The following CAMK1D variants were observed in gnomAD, a reference collection of about 807,000 sequenced individuals.
The protein encoded by CAMK1D is calcium/calmodulin-dependent protein kinase type 1D.
CAMK1D carries 9 observed loss-of-function variants against 47.7 expected under a neutral mutation model. That is an observed-to-expected ratio of 0.19 (90% CI 0.11 to 0.33). CAMK1D has a LOEUF of 0.33. Among genes scored for constraint, CAMK1D ranks in the 10% least tolerant of loss-of-function variants. The pLI is 1.00. For missense variants in CAMK1D, 291 were observed against 488.7 expected, an observed-to-expected ratio of 0.60 and a Z score of 3.81; for synonymous variants, 184 against 184.9, an observed-to-expected ratio of 0.99 and a Z score of 0.04.
At chr10:12,605,982 C>T (rs1054950373) in intron 2 of CAMK1D, among the ~76,000 whole-genome samples, 19 of 152,196 alleles carry the variant, frequency 1.2e-4, no homozygotes, top group African/African-American at 3.9e-4. Flanking sequence ...AGAATTTGGC[C>T]GTGAGAGAAG....
At chr10:12,537,089 TGA>T (rs986066708) in intron 1 of CAMK1D, among the ~76,000 whole-genome samples, 6 of 152,120 alleles carry the variant, frequency 3.9e-5, no homozygotes, top group Admixed American at 1.3e-4. Context: ...TCTTTTTTTT[TGA>T]GATGGTGTCT....
chr10:12,691,787 C>T lies in CAMK1D; in HGVS notation c.299+24977C>T, dbSNP rs561948445. On this transcript the variant is annotated intron_variant, in intron 3 of 10. Transcript: ENST00000619168. ...AATATGCAGTATATGTGGTGCATCC[C>T]CTCTGTGAATAAAGTGAAGAGGAGG... Among the ~76,000 whole-genome samples the T allele has an allele frequency of 3.3e-5, 5 of 152,134 alleles. No homozygotes were observed. In the South Asian group the frequency reaches 1.0e-3, roughly 32 times the overall value.
intron 2 of CAMK1D, among the ~76,000 whole-genome samples, chr10:12,558,747 TG>T (rs1270808905): frequency 1.3e-5 from 2 of 152,102 alleles, no homozygotes; most frequent in African/African-American, 4.8e-5. Flanking sequence ...TTGGAAAAAC[TG>T]AGGCTCAGTT....
At chr10:12,770,670 G>T (rs1409056070) in intron 5 of CAMK1D, among the ~76,000 whole-genome samples, 1 of 152,026 alleles carries the variant, frequency 6.6e-6, no homozygotes, top group Non-Finnish European at 1.5e-5. Context: ...CTAAACCTGG[G>T]GGCCTGCCAT....
intron 1 of CAMK1D, among the ~76,000 whole-genome samples, chr10:12,509,614 G>A (rs1013378894): frequency 1.3e-5 from 2 of 152,172 alleles, no homozygotes; most frequent in African/African-American, 4.8e-5. Flanking sequence ...ATCCAGGTGT[G>A]GTGGTGCATG....
intron 1 of CAMK1D, among the ~76,000 whole-genome samples, chr10:12,522,730 G>T (rs1243062905): frequency 6.6e-6 from 1 of 151,808 alleles, no homozygotes; most frequent in Non-Finnish European, 1.5e-5. Flanking sequence ...CCCAGACGGG[G>T]TGGTGGCCGG....
intron 1 of CAMK1D, among the ~76,000 whole-genome samples, chr10:12,481,708 C>T (rs1834071002): frequency 1.3e-5 from 2 of 152,134 alleles, no homozygotes; most frequent in African/African-American, 4.8e-5. Flanking sequence ...CGGGGTTTCA[C>T]CATGTTGGTC....
chr10:12,738,773 A>C (rs1835292540), intron 3 of CAMK1D, among the ~76,000 whole-genome samples: 1 of 152,138 alleles, frequency 6.6e-6, no homozygotes, highest in Non-Finnish European at 1.5e-5. Flanking sequence ...CAGAGGCTGC[A>C]GTGAGCTAAG....
At chr10:12,713,698 G>T (rs1277907560) in intron 3 of CAMK1D, among the ~76,000 whole-genome samples, 1 of 152,170 alleles carries the variant, frequency 6.6e-6, no homozygotes, top group Non-Finnish European at 1.5e-5. Context: ...GGGAAGGGCA[G>T]GTGGCCATGG....
At chr10:12,433,758 T>A (rs1004775302) in intron 1 of CAMK1D, among the ~76,000 whole-genome samples, 1 of 152,244 alleles carries the variant, frequency 6.6e-6, no homozygotes, top group Non-Finnish European at 1.5e-5. Context: ...GCCACGTGCT[T>A]GGGCCCCTGC....
At chr10:12,527,086 C>G (rs1835648720) in intron 1 of CAMK1D, among the ~76,000 whole-genome samples, 1 of 152,044 alleles carries the variant, frequency 6.6e-6, no homozygotes, top group African/African-American at 2.4e-5. Flanking sequence ...TTTATTCCCA[C>G]TTTCTTTGGC....
chr10:12,443,467 C>A (rs1383767162), intron 1 of CAMK1D, among the ~76,000 whole-genome samples: 1 of 152,136 alleles, frequency 6.6e-6, no homozygotes, highest in African/African-American at 2.4e-5. Flanking sequence ...GAAAGGGGTC[C>A]TGATCCAGAC....
At chr10:12,497,826 A>G (rs1834587632) in intron 1 of CAMK1D, among the ~76,000 whole-genome samples, 1 of 152,304 alleles carries the variant, frequency 6.6e-6, no homozygotes, top group Non-Finnish European at 1.5e-5. Flanking sequence ...TGGGATAGAG[A>G]AATGTATTAG....
chr10:12,679,236 A>G (rs372786316), intron 3 of CAMK1D, among the ~76,000 whole-genome samples: 21 of 152,376 alleles, frequency 1.4e-4, no homozygotes, highest in Admixed American at 6.5e-4. Flanking sequence ...TTGAAAAGTT[A>G]GATCTGGTCG....
chr10:12,765,945 C>A (rs918202628), intron 4 of CAMK1D, among the ~76,000 whole-genome samples: 59 of 149,492 alleles, frequency 3.9e-4, no homozygotes, highest in Non-Finnish European at 7.4e-5. Flanking sequence ...AAGCTGGCTG[C>A]CCCCATCCTA....
At chr10:12,537,673 G>C (rs1180605793) in intron 1 of CAMK1D, among the ~76,000 whole-genome samples, 1 of 152,238 alleles carries the variant, frequency 6.6e-6, no homozygotes, top group East Asian at 1.9e-4. Flanking sequence ...TCTGTGCACA[G>C]TGAGTGCCCC....
chr10:12,537,225 C>T (rs2132234448), intron 1 of CAMK1D, among the ~76,000 whole-genome samples: 1 of 152,296 alleles, frequency 6.6e-6, no homozygotes. Context: ...ATGTGTACCA[C>T]TGTGCCCGGC....
At chr10:12,615,069 A>G (rs1404529390) in intron 2 of CAMK1D, among the ~76,000 whole-genome samples, 3 of 152,176 alleles carry the variant, frequency 2.0e-5, no homozygotes, top group African/African-American at 7.2e-5. Context: ...CTGATAATCC[A>G]TTCTGAGGAG....
At chr10:12,404,846 AC>A (rs1310408387) in intron 1 of CAMK1D, among the ~76,000 whole-genome samples, 1 of 151,678 alleles carries the variant, frequency 6.6e-6, no homozygotes, top group Non-Finnish European at 1.5e-5. Context: ...GCGCCACCAC[AC>A]CTGGCTAATT....
Sources: gnomAD v4.1 joint callset for allele counts (sites outside exome capture counted in the v4.1 genomes callset) on GRCh38, gnomAD v4.1.1 for gene constraint, MANE v1.5 for transcripts, NCBI Gene and HGNC (gene_info 2026-07-23, HGNC 2026-07-21) for gene names.